PSD3: variants seen among roughly 807,000 people sequenced by gnomAD.
The protein encoded by PSD3 is PH and SEC7 domain-containing protein 3.
A neutral mutation model predicts 105.5 loss-of-function variants in PSD3; 49 were observed. The observed-to-expected ratio is 0.46, with a 90% CI of 0.37 to 0.59. PSD3 has a LOEUF of 0.59. Ranked by LOEUF, PSD3 falls within the 20% of genes least tolerant of loss-of-function variation. PSD3 has a pLI of 0.00. For missense variants in PSD3, 1,561 were observed against 1,263.8 expected, an observed-to-expected ratio of 1.24 and a Z score of -3.57; for synonymous variants, 557 against 457.8, an observed-to-expected ratio of 1.22 and a Z score of -2.77.
intron 9 of PSD3, among the ~76,000 whole-genome samples, chr8:18,678,712 C>T (rs7015697): frequency 0.8 from 122,139 of 152,052 alleles, 52,809 homozygotes; most frequent in Non-Finnish European, 0.97. Context: ...CTTGGGAGGC[C>T]GAGGCAGGGG....
intron 9 of PSD3, among the ~76,000 whole-genome samples, chr8:18,674,094 A>C (rs1799942040): frequency 6.6e-6 from 1 of 152,066 alleles, no homozygotes; most frequent in Non-Finnish European, 1.5e-5. Flanking sequence ...TGCAGTGAGC[A>C]GTGATCGTGC....
In PSD3 at chr8:18,534,015, G is replaced by A. The variant is rs1799733499; in HGVS notation, c.*1728C>T. ...AAGCCTTCTCTGGGCAATAGTCATG[G>A]ACATTTACAGAGGGGAAGGAAGTAA... On this transcript the variant is annotated 3_prime_UTR_variant, in exon 16 of 16. Coordinates refer to ENST00000327040, the MANE Select transcript of PSD3 (RefSeq NM_015310.4). The A allele has an allele frequency of 6.6e-6, 1 of 152,072 alleles. No individual in the cohort carries two copies. The highest frequency in any genetic ancestry group is 1.5e-5 in the Non-Finnish European group (1 of 68,024). 9.4% of individuals were successfully genotyped at this position (152,072 alleles called of 1,614,324 possible). A position where few individuals can be genotyped will look rare whatever the true frequency, so the allele number is the denominator to read the frequency against.
chr8:18,782,299 C>A (rs1385528605), intron 8 of PSD3, among the ~76,000 whole-genome samples: 2 of 151,922 alleles, frequency 1.3e-5, no homozygotes, highest in African/African-American at 4.8e-5. Context: ...TTGCTTCATC[C>A]AACTCTATGG....
At chr8:18,729,703 G>C (rs1397782427) in intron 9 of PSD3, among the ~76,000 whole-genome samples, 3 of 152,070 alleles carry the variant, frequency 2.0e-5, no homozygotes, top group African/African-American at 7.2e-5. Context: ...TCTCTAAATA[G>C]CTTGCACTCT....
At chr8:18,818,612 T>C (rs1377481785) in intron 4 of PSD3, among the ~76,000 whole-genome samples, 1 of 152,094 alleles carries the variant, frequency 6.6e-6, no homozygotes, top group African/African-American at 2.4e-5. Context: ...CAGGACAATC[T>C]GCTCTGCAAA....
chr8:18,668,797 A>T (rs1259783657), intron 9 of PSD3, among the ~76,000 whole-genome samples: 1 of 152,252 alleles, frequency 6.6e-6, no homozygotes, highest in African/African-American at 2.4e-5. Context: ...ATAGATAATC[A>T]GTAATAAATT....
At chr8:19,024,232 T>C (rs143948388) in intron 1 of PSD3, among the ~76,000 whole-genome samples, 1 of 152,350 alleles carries the variant, frequency 6.6e-6, no homozygotes, top group East Asian at 1.9e-4. Context: ...ATTTCACTTA[T>C]AATCTTTTTT....
At chr8:18,780,395 G>A (rs1423514449) in intron 8 of PSD3, among the ~76,000 whole-genome samples, 1 of 151,684 alleles carries the variant, frequency 6.6e-6, no homozygotes. Context: ...TTTTAAGGGG[G>A]GAATTTAAAC....
chr8:18,649,483 G>A (rs1271201437), intron 10 of PSD3, among the ~76,000 whole-genome samples: 1 of 152,124 alleles, frequency 6.6e-6, no homozygotes, highest in African/African-American at 2.4e-5. Flanking sequence ...TGTATCTTGG[G>A]AGCAACTAAT....
chr8:18,914,019 C>A (rs1029098277), intron 2 of PSD3, among the ~76,000 whole-genome samples: 2 of 152,070 alleles, frequency 1.3e-5, no homozygotes, highest in Non-Finnish European at 2.9e-5. Flanking sequence ...TAAACCCAGG[C>A]TCCAGACTTG....
chr8:18,684,145 C>T (rs772777602), intron 9 of PSD3: 2 of 435,300 alleles, frequency 4.6e-6, no homozygotes, highest in Non-Finnish European at 8.4e-6. Flanking sequence ...GCACAGCTCA[C>T]GTCACTGGCT....
intron 9 of PSD3, among the ~76,000 whole-genome samples, chr8:18,737,351 G>A (rs1299192965): frequency 6.6e-6 from 1 of 152,150 alleles, no homozygotes; most frequent in East Asian, 1.9e-4. Flanking sequence ...GCGTGTGACG[G>A]GGTCTTACTC....
chr8:19,027,083 A>G (rs1038600825), intron 1 of PSD3, among the ~76,000 whole-genome samples: 1 of 152,172 alleles, frequency 6.6e-6, no homozygotes, highest in African/African-American at 2.4e-5. Flanking sequence ...CTCATTGCAC[A>G]ATACACGCAT....
upstream of PSD3, chr8:19,013,709 G>A (rs954286342): frequency 1.7e-4 from 140 of 801,526 alleles, 1 homozygote; most frequent in African/African-American, 9.5e-4. Flanking sequence ...CTGCCGAGAG[G>A]CGGCGGCCCG....
At chr8:19,033,453 C>G (rs1037296990) in intron 1 of PSD3, among the ~76,000 whole-genome samples, 3 of 151,924 alleles carry the variant, frequency 2.0e-5, no homozygotes, top group Non-Finnish European at 4.4e-5. Context: ...AATAGTGTTT[C>G]TCTTCCATTT....
chr8:18,803,785 G>GA (rs145400257), intron 6 of PSD3, among the ~76,000 whole-genome samples: 6,743 of 150,128 alleles, frequency 0.045, 505 homozygotes, highest in African/African-American at 0.15. Flanking sequence ...GGAGGGGAAG[G>GA]AAAAAAAAAG....
intron 4 of PSD3, among the ~76,000 whole-genome samples, chr8:18,861,272 T>TACA (rs1396875054): frequency 6.6e-6 from 1 of 152,054 alleles, no homozygotes; most frequent in African/African-American, 2.4e-5. Flanking sequence ...AAACTGACCT[T>TACA]ACAGGGCACA....
At chr8:18,818,134 T>C (rs1812377416) in intron 4 of PSD3, among the ~76,000 whole-genome samples, 1 of 152,092 alleles carries the variant, frequency 6.6e-6, no homozygotes, top group Non-Finnish European at 1.5e-5. Context: ...TTTTCATTTT[T>C]AGTAGAGAAG....
chr8:18,804,418 G>T, intron 6 of PSD3, 104 bp downstream of exon 6: 1 of 887,182 alleles, frequency 1.1e-6, no homozygotes, highest in Non-Finnish European at 1.6e-6. Flanking sequence ...TATACATGGA[G>T]GTTTAAAAAA....
Sources: gnomAD v4.1 joint callset for allele counts (sites outside exome capture counted in the v4.1 genomes callset) on GRCh38, gnomAD v4.1.1 for gene constraint, MANE v1.5 for transcripts, NCBI Gene and HGNC (gene_info 2026-07-23, HGNC 2026-07-21) for gene names.